Variants in ASXL3 observed in about 807,000 individuals in gnomAD.
ASXL3 encodes putative Polycomb group protein ASXL3.
Under a neutral mutation model 170.6 loss-of-function variants are expected in ASXL3, and 34 were observed. The observed-to-expected ratio is 0.20, with a 90% CI of 0.15 to 0.27. The LOEUF (loss-of-function observed/expected upper bound fraction) is 0.27. Ranked by LOEUF, ASXL3 falls within the 10% of genes least tolerant of loss-of-function variation. The pLI is 1.00. For missense variants in ASXL3, 2,592 were observed against 2,695.3 expected (o/e 0.96, Z 0.85); for synonymous variants, 1,002 against 989.1 (o/e 1.01, Z -0.24).
At chr18:33,692,346 A>G (rs964903275) in intron 8 of ASXL3, among the ~76,000 whole-genome samples, 2 of 152,180 alleles carry the variant, frequency 1.3e-5, no homozygotes, top group African/African-American at 4.8e-5. Context: ...GAGGAGTCCC[A>G]GACTCTCCAC....
At chr18:33,608,232 C>T (rs2065278916) in intron 2 of ASXL3, among the ~76,000 whole-genome samples, 1 of 151,836 alleles carries the variant, frequency 6.6e-6, no homozygotes, top group African/African-American at 2.4e-5. Flanking sequence ...AACTTTAGAA[C>T]ATTTTCATCA....
intron 7 of ASXL3, among the ~76,000 whole-genome samples, chr18:33,676,709 G>A (rs1452503153): frequency 6.6e-6 from 1 of 152,164 alleles, no homozygotes. Flanking sequence ...TGAAGTGTAG[G>A]TGCCTGCTGC....
At chr18:33,650,688 C>CAT (rs2065983593) in intron 4 of ASXL3, among the ~76,000 whole-genome samples, 1 of 152,126 alleles carries the variant, frequency 6.6e-6, no homozygotes, top group Non-Finnish European at 1.5e-5. Flanking sequence ...CCAAATAACA[C>CAT]ATACCCAAAC....
rs191551038 is a variant in ASXL3, at chr18:33,636,806, A to T, written c.138-8088A>T. 8.3e-3 allele frequency among the ~76,000 whole-genome samples: 1,266 copies of T among 152,174 alleles called. 20 individuals carry two copies. Among genetic ancestry groups the T allele is most frequent in the African/African-American group, 0.028 (1,154 of 41,518 alleles). ...AGTGTCTTGGATTTTGGATTTTTTTAAAAAAATTTTGAATATTTGTGTTAT... is the reference window on the plus strand; with the variant it reads ...AGTGTCTTGGATTTTGGATTTTTTTTAAAAAATTTTGAATATTTGTGTTAT... On this transcript the variant is annotated intron_variant, in intron 2 of 11. Coordinates refer to ENST00000269197, the MANE Select transcript of ASXL3 (RefSeq NM_030632.3).
Position 33,742,981 on chromosome 18 carries a change from G to A in ASXL3, c.3133G>A (p.Gly1045Ser), listed in dbSNP as rs1293925283. Residue 1045 changes from glycine to serine, a missense_variant, in exon 12 of 12, where the codon GGC (glycine) becomes AGC (serine). Around this residue, in one of 4 missense-constraint regions of ASXL3, gnomAD observed 2,246 missense variants for 2,219.6 expected, o/e 1.01. Coordinates refer to ENST00000269197, the MANE Select transcript of ASXL3 (RefSeq NM_030632.3). ...SRASTSTSVS[G>S]GRNTGARTLA... ...AGCATCCACTAGCACATCTGTCAGTGGCGGGAGGAACACAGGAGCCAGGAC... is the reference window on the plus strand; with the variant it reads ...AGCATCCACTAGCACATCTGTCAGTAGCGGGAGGAACACAGGAGCCAGGAC... 1 of 1,613,770 alleles carries A rather than the reference G, an allele frequency of 6.2e-7. No homozygotes were observed. Among genetic ancestry groups the A allele is most frequent in the Non-Finnish European group, 8.5e-7 (1 of 1,179,784 alleles).
chr18:33,622,348 T>C (rs2065528657), intron 2 of ASXL3, among the ~76,000 whole-genome samples: 1 of 152,200 alleles, frequency 6.6e-6, no homozygotes, highest in Non-Finnish European at 1.5e-5. Flanking sequence ...AACATGCATT[T>C]GATAGCCTGT....
chr18:33,612,151 T>TTATA (rs947298312), intron 2 of ASXL3, among the ~76,000 whole-genome samples: 15 of 151,708 alleles, frequency 9.9e-5, no homozygotes, highest in African/African-American at 3.6e-4. Flanking sequence ...GGCAAATAGT[T>TTATA]TATAATGAGG....
At chr18:33,670,526 T>G in intron 5 of ASXL3, 147 bp from the exon 6 acceptor site, 2 of 571,432 alleles carry the variant, frequency 3.5e-6, no homozygotes, top group South Asian at 2.8e-5. Flanking sequence ...AGGTAACTAT[T>G]AAGAATCCTG....
intron 5 of ASXL3, among the ~76,000 whole-genome samples, chr18:33,667,171 C>T (rs901457407): frequency 6.6e-6 from 1 of 152,134 alleles, no homozygotes; most frequent in Non-Finnish European, 1.5e-5. Context: ...GGCCTTCTGC[C>T]TCCCAGAAGG....
At chr18:33,701,209 A>AGATTTTT (rs2066868760) in intron 8 of ASXL3, among the ~76,000 whole-genome samples, 1 of 151,886 alleles carries the variant, frequency 6.6e-6, no homozygotes, top group African/African-American at 2.4e-5. Context: ...TTTTCCCTTT[A>AGATTTTT]GATTTTTAGA....
chr18:33,621,142 A>G lies in ASXL3; in HGVS notation c.137+13466A>G, dbSNP rs1466385968. Among the ~76,000 whole-genome samples the G allele has an allele frequency of 5.3e-5, 8 of 152,222 alleles. No individual in the cohort carries two copies. In the South Asian group the frequency reaches 1.7e-3, roughly 32 times the overall value. On this transcript the variant is annotated intron_variant, in intron 2 of 11. Coordinates refer to ENST00000269197, the MANE Select transcript of ASXL3 (RefSeq NM_030632.3). ...ATTTTGTTTCTGGTAAGGATGTTTT[A>G]GATCATATAGTTTTAGACTTTTGTT...
At position 33,739,508 on chromosome 18, in the gene ASXL3, T is replaced by G. The variant is rs1212684991; in HGVS notation, c.2104T>G (p.Ser702Ala). The G allele has an allele frequency of 6.2e-7, 1 of 1,613,922 alleles. No homozygotes were observed. The highest frequency in any genetic ancestry group is 2.2e-5 in the East Asian group (1 of 44,886). Residue 702 changes from serine to alanine, a missense_variant, in exon 11 of 12, where the codon TCT becomes GCT. Physicochemically the swap from Ser to Ala is moderately conservative, Grantham distance 99 (BLOSUM62 1). Transcript: ENST00000269197. ...TCTTATGTCCAACTTACCATTAACA[T>G]CTGAAGCATCACCAGTATCCAACTT... The part of the protein sequence containing the change: ...ASLMSNLPLT[S>A]EASPVSNLPL...
intron 2 of ASXL3, among the ~76,000 whole-genome samples, chr18:33,627,228 G>A (rs1371864052): frequency 6.6e-6 from 1 of 152,136 alleles, no homozygotes; most frequent in Non-Finnish European, 1.5e-5. Context: ...CTGGGTAGAA[G>A]GTTATGAGAG....
At chr18:33,732,472 C>T (rs2067467812) in intron 9 of ASXL3, among the ~76,000 whole-genome samples, 1 of 152,138 alleles carries the variant, frequency 6.6e-6, no homozygotes. Flanking sequence ...CTACAGAATG[C>T]CCAATGCTAC....
At chr18:33,725,965 C>G (rs1451350056) in intron 8 of ASXL3, among the ~76,000 whole-genome samples, 2 of 152,144 alleles carry the variant, frequency 1.3e-5, no homozygotes, top group African/African-American at 4.8e-5. Flanking sequence ...GTTCCGCTTG[C>G]TCTTGATGCT....
chr18:33,660,565 G>T (rs1301964050), intron 4 of ASXL3, among the ~76,000 whole-genome samples: 1 of 152,022 alleles, frequency 6.6e-6, no homozygotes, highest in Non-Finnish European at 1.5e-5. Flanking sequence ...ATTAACCCTG[G>T]TGCCCTTAAA....
intron 2 of ASXL3, among the ~76,000 whole-genome samples, chr18:33,642,251 G>A (rs947070000): frequency 6.6e-6 from 1 of 151,862 alleles, no homozygotes; most frequent in Non-Finnish European, 1.5e-5. Flanking sequence ...GTAGTTTATG[G>A]AATTGATGAG....
At chr18:33,673,311 A>G (rs2066374483) in intron 7 of ASXL3, among the ~76,000 whole-genome samples, 1 of 152,088 alleles carries the variant, frequency 6.6e-6, no homozygotes, top group Non-Finnish European at 1.5e-5. Context: ...TAGTAACTTC[A>G]GGAGCGAAAG....
chr18:33,661,037 A>G (rs931716032), intron 4 of ASXL3, among the ~76,000 whole-genome samples: 2 of 152,234 alleles, frequency 1.3e-5, no homozygotes, highest in East Asian at 1.9e-4. Context: ...TGAGAACACC[A>G]TTTTCCTCAA....
Sources: gnomAD v4.1 joint callset for allele counts (sites outside exome capture counted in the v4.1 genomes callset) on GRCh38, gnomAD v4.1.1 for gene constraint, gnomAD v4.1.1 regional missense constraint, MANE v1.5 for transcripts, NCBI Gene and HGNC (gene_info 2026-07-23, HGNC 2026-07-21) for gene names.